Variants in SLC25A21 observed in about 807,000 individuals in gnomAD.
SLC25A21 encodes mitochondrial 2-oxodicarboxylate carrier.
A neutral mutation model predicts 43.8 loss-of-function variants in SLC25A21; 47 were observed. The observed-to-expected ratio is 1.07, with a 90% confidence interval of 0.85 to 1.37. The LOEUF is 1.37. Ranked by LOEUF, SLC25A21 falls within the 40% of genes most tolerant of loss-of-function variation. The pLI, the probability that SLC25A21 is intolerant of heterozygous loss-of-function variation, is 0.00. For missense variants in SLC25A21, 352 were observed against 350.2 expected (o/e 1.00, Z -0.04); for synonymous variants, 131 against 121.3 (o/e 1.08, Z -0.52).
chr14:37,081,352 C>T (rs760248564), intron 1 of SLC25A21, among the ~76,000 whole-genome samples: 6 of 152,240 alleles, frequency 3.9e-5, no homozygotes, highest in East Asian at 1.9e-4. Context: ...TGACACGTCA[C>T]GGAAAATGAC....
chr14:36,890,426 G>A (rs12433785), intron 1 of SLC25A21, among the ~76,000 whole-genome samples: 18,247 of 152,046 alleles, frequency 0.12, 1,473 homozygotes, highest in East Asian at 0.36. Context: ...TTGCAAGGAG[G>A]GAATTGAGGA....
At chr14:36,685,933 C>G (rs566911175) in intron 7 of SLC25A21, among the ~76,000 whole-genome samples, 6 of 152,188 alleles carry the variant, frequency 3.9e-5, no homozygotes, top group African/African-American at 1.2e-4. Flanking sequence ...CTGCTGACTC[C>G]GACCCCCCAC....
intron 1 of SLC25A21, among the ~76,000 whole-genome samples, chr14:36,902,774 A>G (rs1566725350): frequency 6.6e-6 from 1 of 152,090 alleles, no homozygotes; most frequent in Non-Finnish European, 1.5e-5. Context: ...AGGTGGGACA[A>G]TTGCTTGAGG....
At chr14:37,098,009 T>C (rs1962734996) in intron 1 of SLC25A21, 1 of 152,198 alleles carries the variant, frequency 6.6e-6, no homozygotes, top group Admixed American at 6.5e-5. Flanking sequence ...AAGTTCCTTT[T>C]ACGGTTCTTA....
At chr14:36,901,793 A>C (rs1156642812) in intron 1 of SLC25A21, among the ~76,000 whole-genome samples, 2 of 152,196 alleles carry the variant, frequency 1.3e-5, no homozygotes, top group Non-Finnish European at 2.9e-5. Context: ...AAGGCTATTT[A>C]GATTTTCTAT....
chr14:37,033,894 T>C (rs1033305229), intron 1 of SLC25A21, among the ~76,000 whole-genome samples: 10 of 152,348 alleles, frequency 6.6e-5, no homozygotes, highest in Admixed American at 5.2e-4. Context: ...CCATGGTTTA[T>C]TTTGGTAATG....
chr14:37,014,569 GAATT>G (rs1006693814), intron 1 of SLC25A21, among the ~76,000 whole-genome samples: 41 of 151,958 alleles, frequency 2.7e-4, no homozygotes, highest in Admixed American at 2.7e-3. Context: ...ATGAGAATTG[GAATT>G]AATTTTTTCC....
At chr14:36,691,332 C>CA (rs1882786656) in intron 7 of SLC25A21, among the ~76,000 whole-genome samples, 1 of 152,170 alleles carries the variant, frequency 6.6e-6, no homozygotes, top group African/African-American at 2.4e-5. Context: ...TTCAGAATGC[C>CA]ACCTAGCCTA....
chr14:36,818,951 T>G (rs899486316), intron 2 of SLC25A21, among the ~76,000 whole-genome samples: 1 of 152,198 alleles, frequency 6.6e-6, no homozygotes, highest in Non-Finnish European at 1.5e-5. Flanking sequence ...CACTCTTGAT[T>G]GCATTTAGAA....
chr14:37,089,644 T>A (rs1962547795), intron 1 of SLC25A21, among the ~76,000 whole-genome samples: 1 of 152,096 alleles, frequency 6.6e-6, no homozygotes, highest in South Asian at 2.1e-4. Flanking sequence ...TCTTAGAGAG[T>A]AAGGCCACGG....
Position 36,959,204 on chromosome 14 carries a change from C to T in SLC25A21, c.71-84200G>A, listed in dbSNP as rs142402900. Among the ~76,000 whole-genome samples the T allele has an allele frequency of 3.0e-4, 45 of 152,298 alleles. 1 individual carries two copies. The East Asian group carries it at 8.5e-3, about 29-fold the overall frequency. The stretch of plus-strand genomic sequence containing the variant: ...ACTGACACACTGCTCCCTTCTCTGC[C>T]TGCCCACAGCTCTCCTTCCTTCATC... On this transcript the variant is annotated intron_variant, in intron 1 of 9. Transcript: ENST00000331299.
intron 1 of SLC25A21, among the ~76,000 whole-genome samples, chr14:36,965,581 A>G (rs1959594985): frequency 6.6e-6 from 1 of 152,192 alleles, no homozygotes; most frequent in Admixed American, 6.6e-5. Context: ...AACCATGTAG[A>G]CATACTTTCC....
In SLC25A21 at chr14:36,678,707, C is replaced by G; in HGVS notation, c.*1951G>C. The G allele has an allele frequency of 8.2e-7, 1 of 1,220,340 alleles. No individual in the cohort carries two copies. Among genetic ancestry groups the G allele is most frequent in the South Asian group, 3.7e-5 (1 of 27,118 alleles). The allele number at this position is 1,220,340 out of a possible 1,614,324, so 75.6% of individuals were successfully genotyped here. A position where few individuals can be genotyped will look rare whatever the true frequency, so the allele number is the denominator to read the frequency against. On this transcript the variant is annotated 3_prime_UTR_variant, in exon 10 of 10. Transcript: ENST00000331299. Reference sequence around the variant, plus strand: ...ATGCAAATAATGTTATTTTCTTTATCTAAATTAAGAAATCTCTTGTTATTG... The same window carrying G: ...ATGCAAATAATGTTATTTTCTTTATGTAAATTAAGAAATCTCTTGTTATTG...
At chr14:36,888,701 A>G (rs1294478792) in intron 1 of SLC25A21, among the ~76,000 whole-genome samples, 1 of 152,194 alleles carries the variant, frequency 6.6e-6, no homozygotes, top group Non-Finnish European at 1.5e-5. Context: ...GCCATTCATT[A>G]GATGTACAGA....
chr14:36,711,582 CT>C (rs1374619441), intron 6 of SLC25A21, 100 bp from the exon 7 acceptor site: 9 of 1,310,170 alleles, frequency 6.9e-6, no homozygotes, highest in South Asian at 3.3e-5. Context: ...TTATTAGGGA[CT>C]TTTTTCCCCC....
intron 3 of SLC25A21, among the ~76,000 whole-genome samples, chr14:36,810,218 A>G (rs904906345): frequency 6.6e-6 from 1 of 152,202 alleles, no homozygotes; most frequent in Admixed American, 6.5e-5. Context: ...TACATACAGT[A>G]TAGAAAAAGG....
intron 1 of SLC25A21, among the ~76,000 whole-genome samples, chr14:37,060,444 T>C (rs1482034864): frequency 6.7e-6 from 1 of 149,334 alleles, no homozygotes; most frequent in Non-Finnish European, 1.5e-5. Context: ...CCAAGAGAAG[T>C]AGGGCATGGT....
chr14:36,773,536 A>G (rs1886704471), intron 3 of SLC25A21, among the ~76,000 whole-genome samples: 1 of 152,264 alleles, frequency 6.6e-6, no homozygotes, highest in South Asian at 2.1e-4. Flanking sequence ...TGTATTTTGA[A>G]TAAGGTATAA....
At chr14:37,042,133 T>C (rs1961487108) in intron 1 of SLC25A21, among the ~76,000 whole-genome samples, 1 of 152,188 alleles carries the variant, frequency 6.6e-6, no homozygotes, top group East Asian at 1.9e-4. Context: ...CATGTGAATT[T>C]GATACTCTCA....
Sources: gnomAD v4.1 joint callset for allele counts (sites outside exome capture counted in the v4.1 genomes callset) on GRCh38, gnomAD v4.1.1 for gene constraint, MANE v1.5 for transcripts, NCBI Gene and HGNC (gene_info 2026-07-23, HGNC 2026-07-21) for gene names.